The following FARSA variants were observed in gnomAD, a reference collection of about 807,000 sequenced individuals.
The protein encoded by FARSA is phenylalanine--tRNA ligase alpha subunit.
A neutral mutation model predicts 63.2 loss-of-function variants in FARSA; 37 were observed. That is an observed-to-expected ratio of 0.59 (90% CI 0.45 to 0.77). FARSA has a LOEUF of 0.77. Ranked by LOEUF, FARSA falls within the 30% of genes least tolerant of loss-of-function variation. FARSA has a pLI of 0.00. For synonymous variants in FARSA, 312 were observed against 285.1 expected, an observed-to-expected ratio of 1.09 and a Z score of -0.95; for missense variants, 618 against 696.6, an observed-to-expected ratio of 0.89 and a Z score of 1.27.
chr19:12,926,231 G>A (rs1263123931), intron 7 of FARSA, among the ~76,000 whole-genome samples: 1 of 142,924 alleles, frequency 7.0e-6, no homozygotes, highest in Non-Finnish European at 1.5e-5. Context: ...AATTACAGGC[G>A]TGAGCCACCG....
At position 12,924,134 on chromosome 19, in the gene FARSA, TC is replaced by T. The variant is rs759531793; in HGVS notation, c.1388+16del. 1.1e-5 allele frequency: 17 copies of T among 1,603,558 alleles called. No individual in the cohort carries two copies. The highest frequency in any genetic ancestry group is 1.7e-5 in the Admixed American group (1 of 59,974). ...TTGAGGCAGCTGGACACCCCGAGTTTCCACTTGGGCACTTACCGCTCCAGGG... is the reference window on the plus strand; with the variant it reads ...TTGAGGCAGCTGGACACCCCGAGTTTCACTTGGGCACTTACCGCTCCAGGG... On this transcript the variant is annotated intron_variant, in intron 12 of 12. Coordinates refer to ENST00000314606, the MANE Select transcript of FARSA (RefSeq NM_004461.3). The surrounding 1 kb of genome is among the most constrained non-coding windows in gnomAD (Gnocchi z 6.4).
intron 1 of FARSA, among the ~76,000 whole-genome samples, chr19:12,931,436 G>A (rs1347320854): frequency 6.6e-6 from 1 of 152,070 alleles, no homozygotes; most frequent in Non-Finnish European, 1.5e-5. Flanking sequence ...GCTAATTTTT[G>A]TATTTTTAGT....
At chr19:12,922,991 C>T (rs1971281795) in intron 12 of FARSA, 105 bp from the exon 13 acceptor site, 2 of 1,509,726 alleles carry the variant, frequency 1.3e-6, no homozygotes, top group Non-Finnish European at 1.8e-6. Flanking sequence ...CAAGTTCTCC[C>T]CATGACCCAC....
At chr19:12,927,832 G>A (rs1250706717) in intron 7 of FARSA, among the ~76,000 whole-genome samples, 1 of 149,980 alleles carries the variant, frequency 6.7e-6, no homozygotes, top group Non-Finnish European at 1.5e-5. Context: ...GACCACCCTG[G>A]CCAACATGGC....
chr19:12,923,486 G>C lies in FARSA; in HGVS notation c.1389-600C>G, dbSNP rs567233329. Reference sequence around the variant, plus strand: ...CTGGCTAATTTTTGTAGTTTTAGTAGAGACGGGAGACAGAGTCACACTCTG... The same window carrying C: ...CTGGCTAATTTTTGTAGTTTTAGTACAGACGGGAGACAGAGTCACACTCTG... On this transcript the variant is annotated intron_variant, in intron 12 of 12. Coordinates refer to ENST00000314606, the MANE Select transcript of FARSA (RefSeq NM_004461.3). 9.9e-5 allele frequency among the ~76,000 whole-genome samples: 15 copies of C among 152,220 alleles called. No homozygotes were observed. The East Asian group carries it at 2.5e-3, about 25-fold the overall frequency.
chr19:12,925,723 G>A (rs536663637), intron 7 of FARSA, among the ~76,000 whole-genome samples: 1 of 145,190 alleles, frequency 6.9e-6, no homozygotes, highest in Admixed American at 6.9e-5. Context: ...GCCCAGGCTG[G>A]AGTGCAGTGG....
intron 1 of FARSA, among the ~76,000 whole-genome samples, chr19:12,932,009 G>A (rs1971402617): frequency 6.6e-6 from 1 of 151,418 alleles, no homozygotes; most frequent in African/African-American, 2.4e-5. Context: ...AATATATAGT[G>A]CCTACCACGT....
chr19:12,933,285 G>A, intron 1 of FARSA: 3 of 419,632 alleles, frequency 7.1e-6, no homozygotes, highest in Non-Finnish European at 8.1e-6. Context: ...CGCAACCTGC[G>A]TGAGGGCAGC....
intron 7 of FARSA, among the ~76,000 whole-genome samples, chr19:12,926,841 C>G (rs1261634243): frequency 6.6e-6 from 1 of 152,228 alleles, no homozygotes; most frequent in African/African-American, 2.4e-5. Flanking sequence ...CTGAGGCTGG[C>G]CAAGTTTCCT....
chr19:12,927,696 C>T (rs1264539332), intron 7 of FARSA, among the ~76,000 whole-genome samples: 1 of 120,372 alleles, frequency 8.3e-6, no homozygotes, highest in African/African-American at 3.3e-5. Flanking sequence ...CGTGCCACTG[C>T]ACTCTAGCTT....
intron 7 of FARSA, 101 bp from the exon 8 acceptor site, chr19:12,925,275 G>T: frequency 1.0e-6 from 1 of 952,920 alleles, no homozygotes; most frequent in Non-Finnish European, 1.6e-6. Context: ...GAGTGCGGTG[G>T]TGCAATCTGG....
intron 1 of FARSA, among the ~76,000 whole-genome samples, chr19:12,931,304 C>T (rs761245943): frequency 6.6e-6 from 1 of 152,084 alleles, no homozygotes; most frequent in Non-Finnish European, 1.5e-5. Flanking sequence ...TGCACTGTCG[C>T]TCAGGCTAGA....
chr19:12,932,982 G>C (rs997825742), intron 1 of FARSA: 1 of 153,054 alleles, frequency 6.5e-6, no homozygotes, highest in African/African-American at 2.4e-5. Flanking sequence ...GATGTGGATA[G>C]CACACTCATC....
At position 12,930,295 on chromosome 19, in the gene FARSA, C is replaced by T. The variant is rs202157711; in HGVS notation, c.431G>A (p.Arg144Gln). The T allele has an allele frequency of 2.8e-5, 45 of 1,614,092 alleles. No individual in the cohort carries two copies. The highest frequency in any genetic ancestry group is 1.8e-4 in the East Asian group (8 of 44,876). Reference protein sequence around the residue: ...DEVQRRLQLVRGGQAEKLGEK... With the variant: ...DEVQRRLQLVQGGQAEKLGEK... ...CCCCAGCTTCTCAGCCTGTCCCCCC[C>T]GGACCAGCTGGAGCCGCCGCTGCAC... The change falls in exon 4 of 13, where the codon CGG becomes CAG. Residue 144 changes from arginine (R) to glutamine (Q), a missense_variant. Transcript: ENST00000314606.
chr19:12,923,057 G>A (rs901813629), intron 12 of FARSA, among the ~76,000 whole-genome samples, 171 bp from the exon 13 acceptor site: 1 of 151,988 alleles, frequency 6.6e-6, no homozygotes, highest in African/African-American at 2.4e-5. Flanking sequence ...AGCCACACCA[G>A]CCTCCTCACT....
chr19:12,922,700 G>C lies in FARSA; in HGVS notation c.*48C>G. 6.2e-7 allele frequency: 1 copy of C among 1,606,580 alleles called. No homozygotes were observed. The highest frequency in any genetic ancestry group is 8.5e-7 in the Non-Finnish European group (1 of 1,178,368). On this transcript the variant is annotated 3_prime_UTR_variant, in exon 13 of 13. Coordinates refer to ENST00000314606, the MANE Select transcript of FARSA (RefSeq NM_004461.3). The stretch of plus-strand genomic sequence containing the variant: ...TCACTGGCCAGGGATGCAAAGGAGC[G>C]CAGCAGCAGGGACTCGGGGAGGATG...
chr19:12,922,879 T>G lies in FARSA; in HGVS notation c.1396A>C (p.Met466Leu). The change falls in exon 13 of 13, where the codon ATG (methionine) becomes CTG (leucine). Residue 466 changes from methionine to leucine, a missense_variant. Met to Leu is a conservative substitution (Grantham distance 15). Coordinates refer to ENST00000314606, the MANE Select transcript of FARSA (RefSeq NM_004461.3). ...ATATTGTTGATGCCATATTTGATCA[T>G]CGTTGGGCTTGTGGGGGAGGGAACA... ...AWGLSLERPT[M>L]IKYGINNIRE... is the part of the protein sequence containing the mutation. The G allele has an allele frequency of 1.9e-6, 3 of 1,614,118 alleles. No homozygotes were observed. The highest frequency in any genetic ancestry group is 2.5e-6 in the Non-Finnish European group (3 of 1,180,022).
Position 12,930,263 on chromosome 19 carries a change from CCTT to C in FARSA, c.460_462del (p.Lys154del), listed in dbSNP as rs1971375404. On this transcript the variant is annotated inframe_deletion, in exon 4 of 13. Transcript: ENST00000314606. ...TTCCTCTTCCTCAGCTCGCTCCTCT[CCTT>C]CTCCCCCAGCTTCTCAGCCTGTCCC... is the stretch of plus-strand genomic sequence containing the variant. The C allele has an allele frequency of 1.2e-6, 2 of 1,614,042 alleles. No homozygotes were observed. Among genetic ancestry groups the C allele is most frequent in the Admixed American group, 1.7e-5 (1 of 60,004 alleles).
At chr19:12,927,069 C>T (rs1971335132) in intron 7 of FARSA, among the ~76,000 whole-genome samples, 1 of 152,180 alleles carries the variant, frequency 6.6e-6, no homozygotes, top group Non-Finnish European at 1.5e-5. Context: ...CCATTTCAGA[C>T]AGTGCTAAGG....
Sources: allele counts gnomAD v4.1 joint callset (sites outside exome capture counted in the v4.1 genomes callset), GRCh38; gene constraint gnomAD v4.1.1; non-coding constraint Gnocchi (gnomAD v3.1); transcripts MANE v1.5; gene names NCBI Gene and HGNC (gene_info 2026-07-23, HGNC 2026-07-21).